The following TLK1 variants were observed in gnomAD, a reference collection of about 807,000 sequenced individuals.
TLK1 encodes the protein serine/threonine-protein kinase tousled-like 1.
In TLK1, 24 loss-of-function variants were observed where a neutral mutation model predicts 105.3. The ratio of observed to expected loss-of-function variants is 0.23; its 90% CI spans 0.17 to 0.32. The LOEUF (loss-of-function observed/expected upper bound fraction) is 0.32, where lower values mean the gene tolerates loss of function less well. Ranked by LOEUF, TLK1 falls within the 10% of genes least tolerant of loss-of-function variation. The probability of loss-of-function intolerance (pLI) is 1.00; values close to 1 mark genes in which losing one functional copy is unlikely to be tolerated. For missense variants in TLK1, 558 were observed against 910.5 expected (o/e 0.61, Z 4.98); for synonymous variants, 321 against 310.4 (o/e 1.03, Z -0.36).
At chr2:171,028,825 TA>T (rs964526283) in intron 11 of TLK1, among the ~76,000 whole-genome samples, 4 of 152,006 alleles carry the variant, frequency 2.6e-5, no homozygotes, top group African/African-American at 9.6e-5. Flanking sequence ...TAAGCAAGCA[TA>T]AAAAAAACCA....
Position 171,028,383 on chromosome 2 carries a change from C to A in TLK1, c.1192G>T (p.Glu398Ter). Residue 398 changes from glutamate (E) to a stop codon, truncating the protein, a stop_gained, in exon 12 of 21, where the codon GAA (glutamate) becomes TAA (stop). Coordinates refer to ENST00000431350, the MANE Select transcript of TLK1 (RefSeq NM_012290.5). LOFTEE classifies it high-confidence loss of function. The stretch of plus-strand genomic sequence containing the variant: ...CTAAGTTTGAAAATTTCTTCCTGTT[C>A]ATGATATTCTGCCAAAGTCAACCTG... The part of the protein sequence containing the change: ...PQLLTLAEYH[E>*]QEEIFKLRLG... The A allele has an allele frequency of 6.2e-7, 1 of 1,610,276 alleles. No homozygotes were observed.
At chr2:171,066,663 G>C (rs1320356994) in intron 3 of TLK1, among the ~76,000 whole-genome samples, 1 of 152,172 alleles carries the variant, frequency 6.6e-6, no homozygotes, top group East Asian at 1.9e-4. Context: ...CATGTTTAAA[G>C]GAGTATACTA....
chr2:171,219,349 C>G (rs929147592), intron 1 of TLK1, among the ~76,000 whole-genome samples: 2 of 152,316 alleles, frequency 1.3e-5, no homozygotes, highest in South Asian at 4.1e-4. Context: ...ATTGCCTTCT[C>G]TTCTGTGTGA....
At position 171,173,299 on chromosome 2, in the gene TLK1, C is replaced by T. The variant is rs567051983; in HGVS notation, c.-5-55442G>A. ...AAATGATATATATGCAACTTTCTTG[C>T]CCAATCTCATCTACTCTTGTGACTC... On this transcript the variant is annotated intron_variant, in intron 1 of 20. Coordinates refer to the TLK1 transcript ENST00000521943. 1.8e-4 allele frequency among the ~76,000 whole-genome samples: 28 copies of T among 152,290 alleles called. 1 individual carries two copies. In the South Asian group the frequency reaches 4.6e-3, roughly 25 times the overall value.
chr2:171,106,241 G>A (rs151075024), intron 2 of TLK1, among the ~76,000 whole-genome samples: 36 of 152,278 alleles, frequency 2.4e-4, no homozygotes, highest in African/African-American at 6.5e-4. Context: ...AAGTACAGCT[G>A]CATAGGAAGA....
At chr2:171,207,184 C>T (rs1434566836) in intron 1 of TLK1, among the ~76,000 whole-genome samples, 5 of 152,136 alleles carry the variant, frequency 3.3e-5, no homozygotes, top group African/African-American at 4.8e-5. Flanking sequence ...AATAGTGGGA[C>T]ATCCTACAAG....
Position 170,993,724 on chromosome 2 carries a change from C to CTT in TLK1, c.*54_*55dup. The CTT allele has an allele frequency of 1.3e-6, 1 of 798,668 alleles. No homozygotes were observed. Among genetic ancestry groups the CTT allele is most frequent in the Non-Finnish European group, 1.8e-6 (1 of 570,760 alleles). The allele number at this position is 798,668 out of a possible 1,614,324, so 49.5% of individuals were successfully genotyped here. ...AAACAAACACTCAAATGCTCTCAAA[C>CTT]TTAAGTGTGCATCTGGAAGCAAATT... On this transcript the variant is annotated 3_prime_UTR_variant, in exon 21 of 21. Coordinates refer to ENST00000431350, the MANE Select transcript of TLK1 (RefSeq NM_012290.5).
intron 1 of TLK1, among the ~76,000 whole-genome samples, chr2:171,142,875 T>G (rs983194304): frequency 6.6e-6 from 1 of 152,186 alleles, no homozygotes; most frequent in Non-Finnish European, 1.5e-5. Flanking sequence ...TTCCAAGAAC[T>G]TAAGTCTTAG....
intron 1 of TLK1, among the ~76,000 whole-genome samples, chr2:171,195,515 A>AAAAAAAC (rs1693255518): frequency 6.6e-6 from 1 of 151,762 alleles, no homozygotes; most frequent in Non-Finnish European, 1.5e-5. Context: ...AAAAAAAAAA[A>AAAAAAAC]AAAAAAACAT....
At chr2:171,006,308 T>G in intron 17 of TLK1, 26 bp from the exon 18 acceptor site, 1 of 1,557,218 alleles carries the variant, frequency 6.4e-7, no homozygotes, top group Non-Finnish European at 8.7e-7. Context: ...AAGATTCTTT[T>G]AATGATACAT....
intron 11 of TLK1, among the ~76,000 whole-genome samples, chr2:171,036,855 T>C (rs1686366275): frequency 6.6e-6 from 1 of 152,162 alleles, no homozygotes; most frequent in Non-Finnish European, 1.5e-5. Flanking sequence ...AGGGTGAATG[T>C]ACTCTGCATG....
At chr2:171,196,625 G>C (rs1461170621) in intron 1 of TLK1, among the ~76,000 whole-genome samples, 11 of 152,200 alleles carry the variant, frequency 7.2e-5, no homozygotes, top group Admixed American at 7.2e-4. Flanking sequence ...AGAGGTTACA[G>C]AGAAGTCAGT....
intron 3 of TLK1, among the ~76,000 whole-genome samples, chr2:171,067,788 T>TA (rs1194372997): frequency 6.6e-6 from 1 of 151,884 alleles, no homozygotes; most frequent in Non-Finnish European, 1.5e-5. Flanking sequence ...CAGGCCCTGT[T>TA]ATGTGAAGTC....
chr2:171,167,064 G>T (rs1313004272), intron 1 of TLK1, among the ~76,000 whole-genome samples: 2 of 152,144 alleles, frequency 1.3e-5, no homozygotes, highest in East Asian at 3.8e-4. Flanking sequence ...AGATCAGAGT[G>T]GTTACCTCCT....
At chr2:171,157,336 C>T (rs1254373502) in intron 1 of TLK1, among the ~76,000 whole-genome samples, 1 of 152,112 alleles carries the variant, frequency 6.6e-6, no homozygotes, top group Non-Finnish European at 1.5e-5. Context: ...CAAAACTGGC[C>T]TTTACTTGAA....
intron 11 of TLK1, among the ~76,000 whole-genome samples, chr2:171,033,001 A>AG (rs1437695766): frequency 8.5e-5 from 13 of 152,296 alleles, no homozygotes; most frequent in African/African-American, 3.1e-4. Context: ...TGAGGCCAGG[A>AG]GTTCAAAACC....
intron 1 of TLK1, among the ~76,000 whole-genome samples, chr2:171,120,914 T>C (rs183435563): frequency 7.2e-5 from 11 of 152,220 alleles, no homozygotes; most frequent in Non-Finnish European, 1.5e-4. Flanking sequence ...AACAGATGAA[T>C]GGATAAACAA....
chr2:171,216,283 T>C (rs1693711961), intron 1 of TLK1, among the ~76,000 whole-genome samples: 1 of 152,134 alleles, frequency 6.6e-6, no homozygotes, highest in Non-Finnish European at 1.5e-5. Context: ...GAGACCATCC[T>C]GGCTAATACG....
At chr2:171,197,798 C>CA (rs890341835) in intron 1 of TLK1, among the ~76,000 whole-genome samples, 3 of 151,684 alleles carry the variant, frequency 2.0e-5, no homozygotes, top group African/African-American at 7.3e-5. Context: ...ACCAAACAAA[C>CA]AAAAAACAAT....
Sources: allele counts gnomAD v4.1 joint callset (sites outside exome capture counted in the v4.1 genomes callset), GRCh38; gene constraint gnomAD v4.1.1; transcripts MANE v1.5; gene names NCBI Gene and HGNC (gene_info 2026-07-23, HGNC 2026-07-21).